The following METTL25 variants were observed in gnomAD, a reference collection of about 807,000 sequenced individuals.
The protein encoded by METTL25 is probable methyltransferase-like protein 25.
In METTL25, 64 loss-of-function variants were observed where a neutral mutation model predicts 71.6. The ratio of observed to expected loss-of-function variants is 0.89; its 90% CI spans 0.73 to 1.10. The LOEUF (loss-of-function observed/expected upper bound fraction) is 1.10. Ranked by LOEUF, METTL25 falls within the 50% of genes least tolerant of loss-of-function variation. The pLI, the probability that METTL25 is intolerant of heterozygous loss-of-function variation, is 0.00. For missense variants in METTL25, 807 were observed against 707.0 expected, an observed-to-expected ratio of 1.14 and a Z score of -1.60; for synonymous variants, 287 against 250.3, an observed-to-expected ratio of 1.15 and a Z score of -1.38.
chr12:82,431,092 C>T, intron 6 of METTL25, 105 bp downstream of exon 6: 1 of 585,792 alleles, frequency 1.7e-6, no homozygotes, highest in Non-Finnish European at 3.0e-6. Context: ...GCAGAACATC[C>T]CATTAATGCT....
chr12:82,398,252 TC>T (rs1422828919), intron 3 of METTL25, among the ~76,000 whole-genome samples: 2 of 151,006 alleles, frequency 1.3e-5, no homozygotes, highest in Non-Finnish European at 3.0e-5. Context: ...TTTTTATTTT[TC>T]TTTTTTTTTT....
At position 82,367,889 on chromosome 12, in the gene METTL25, C is replaced by G. The variant is rs544882970; in HGVS notation, c.259+9065C>G. Among the ~76,000 whole-genome samples, 32 of 152,200 alleles carry G rather than the reference C, an allele frequency of 2.1e-4. 1 individual carries two copies. The South Asian group carries it at 2.9e-3, about 14-fold the overall frequency. ...GTGTCAGTCACACATAGTTTTGAATCCTGGCTCTGATACTTTAGTACTGCA... is the reference window on the plus strand; with the variant it reads ...GTGTCAGTCACACATAGTTTTGAATGCTGGCTCTGATACTTTAGTACTGCA... On this transcript the variant is annotated intron_variant, in intron 1 of 11. Coordinates refer to ENST00000248306, the MANE Select transcript of METTL25 (RefSeq NM_032230.3).
intron 8 of METTL25, among the ~76,000 whole-genome samples, chr12:82,445,620 A>G (rs1328924730): frequency 6.6e-6 from 1 of 152,154 alleles, no homozygotes; most frequent in Admixed American, 6.5e-5. Context: ...TAAACCTTGA[A>G]TAACAATACC....
At chr12:82,374,668 C>A (rs1027917085) in intron 1 of METTL25, among the ~76,000 whole-genome samples, 1 of 152,174 alleles carries the variant, frequency 6.6e-6, no homozygotes, top group African/African-American at 2.4e-5. Flanking sequence ...AATATGGTTA[C>A]ATAGAGAGTA....
chr12:82,433,571 G>T, intron 6 of METTL25, among the ~76,000 whole-genome samples: 1 of 151,440 alleles, frequency 6.6e-6, no homozygotes. Context: ...ATGGTGTGAG[G>T]GCATGTTAAA....
At chr12:82,365,325 G>A (rs1487694988) in intron 1 of METTL25, among the ~76,000 whole-genome samples, 2 of 152,090 alleles carry the variant, frequency 1.3e-5, no homozygotes, top group Non-Finnish European at 2.9e-5. Flanking sequence ...ACTTTATTTA[G>A]TACATTACAG....
intron 1 of METTL25, 58 bp downstream of exon 1, chr12:82,358,882 G>C: frequency 6.5e-7 from 1 of 1,541,670 alleles, no homozygotes; most frequent in Non-Finnish European, 8.8e-7. Flanking sequence ...CCCGGCAGAC[G>C]AAGCGAGCCC....
intron 1 of METTL25, among the ~76,000 whole-genome samples, chr12:82,366,682 T>C (rs1882612904): frequency 6.6e-6 from 1 of 152,198 alleles, no homozygotes; most frequent in Non-Finnish European, 1.5e-5. Flanking sequence ...TGCGCTCATA[T>C]TTAATTTGAA....
intron 8 of METTL25, among the ~76,000 whole-genome samples, chr12:82,456,484 G>T (rs1219550182): frequency 6.6e-6 from 1 of 151,868 alleles, no homozygotes; most frequent in African/African-American, 2.4e-5. Flanking sequence ...TTTTAATACT[G>T]TGTTTAAAAC....
intron 1 of METTL25, among the ~76,000 whole-genome samples, chr12:82,371,214 A>G (rs1471734938): frequency 1.3e-5 from 2 of 152,182 alleles, no homozygotes; most frequent in Non-Finnish European, 2.9e-5. Flanking sequence ...GAGGAAGTCA[A>G]TTTCCTGGCC....
chr12:82,400,143 G>A (rs4882380), intron 4 of METTL25, among the ~76,000 whole-genome samples: 140,049 of 151,946 alleles, frequency 0.92, 64,882 homozygotes, highest in East Asian at 1. Flanking sequence ...CTAACATAGC[G>A]AAACCCCATC....
intron 5 of METTL25, among the ~76,000 whole-genome samples, chr12:82,418,467 G>A (rs1255639402): frequency 3.3e-5 from 5 of 152,108 alleles, no homozygotes; most frequent in Admixed American, 6.5e-5. Context: ...GAGGTCAAAT[G>A]TTTGAAATAC....
chr12:82,383,155 C>G (rs1332702287), intron 1 of METTL25, among the ~76,000 whole-genome samples: 1 of 151,998 alleles, frequency 6.6e-6, no homozygotes, highest in African/African-American at 2.4e-5. Context: ...AGACTTGATT[C>G]TGAGAGTCAG....
At chr12:82,402,853 C>T (rs1045163786) in intron 4 of METTL25, 130 bp from the exon 5 acceptor site, 5 of 598,682 alleles carry the variant, frequency 8.4e-6, no homozygotes, top group East Asian at 6.0e-5. Flanking sequence ...ACGTGATATT[C>T]GTGCCTGTGA....
In METTL25 at chr12:82,434,727, A is replaced by G. The variant is rs1269993611; in HGVS notation, c.1404+3A>G. ...AGCGGGTTGCAGCTGGCCAAGGGGT[A>G]AGTAAGAGTGTTAACTGATGAACAC... On this transcript the variant is annotated splice_donor_region_variant and intron_variant, in intron 7 of 11. Transcript: ENST00000248306. 1 of 1,609,024 alleles carries G rather than the reference A, an allele frequency of 6.2e-7. No individual in the cohort carries two copies. Among genetic ancestry groups the G allele is most frequent in the Non-Finnish European group, 8.5e-7 (1 of 1,176,516 alleles).
At chr12:82,419,999 T>A (rs1888339841) in intron 5 of METTL25, among the ~76,000 whole-genome samples, 1 of 152,118 alleles carries the variant, frequency 6.6e-6, no homozygotes, top group Non-Finnish European at 1.5e-5. Context: ...GAAACTGTGG[T>A]ACACACATAC....
At chr12:82,424,280 G>T (rs192286601) in intron 5 of METTL25, among the ~76,000 whole-genome samples, 148 of 151,920 alleles carry the variant, frequency 9.7e-4, no homozygotes, top group Non-Finnish European at 1.8e-3. Context: ...GCAAACTATC[G>T]CAAGGACAAA....
At chr12:82,400,318 C>T (rs868447680) in intron 4 of METTL25, among the ~76,000 whole-genome samples, 18 of 148,954 alleles carry the variant, frequency 1.2e-4, no homozygotes, top group Admixed American at 2.7e-4. Context: ...GGTGACAGAG[C>T]GAGACGGTGT....
chr12:82,471,479 C>T (rs1892565033), intron 9 of METTL25, among the ~76,000 whole-genome samples: 1 of 152,196 alleles, frequency 6.6e-6, no homozygotes, highest in Admixed American at 6.5e-5. Context: ...TTTGTTTGAA[C>T]ACATGAGCAC....
Sources: gnomAD v4.1 joint callset for allele counts (sites outside exome capture counted in the v4.1 genomes callset) on GRCh38, gnomAD v4.1.1 for gene constraint, MANE v1.5 for transcripts, NCBI Gene and HGNC (gene_info 2026-07-23, HGNC 2026-07-21) for gene names.